EPS8: variants seen among roughly 807,000 people sequenced by gnomAD.
EPS8 encodes the protein EGFR pathway substrate 8, signaling adaptor.
A neutral mutation model predicts 103.8 loss-of-function variants in EPS8; 42 were observed. That is an observed-to-expected ratio of 0.40 (90% confidence interval 0.32 to 0.52). EPS8 has a LOEUF of 0.52. Ranked by LOEUF, EPS8 falls within the 20% of genes least tolerant of loss-of-function variation. EPS8 has a pLI of 0.40. For missense variants in EPS8, 969 were observed against 1,005.1 expected, an observed-to-expected ratio of 0.96 and a Z score of 0.49; for synonymous variants, 344 against 344.6, an observed-to-expected ratio of 1.00 and a Z score of 0.02.
intron 4 of EPS8, 48 bp from the exon 5 acceptor site, chr12:15,669,873 T>C (rs1945785463): frequency 7.1e-7 from 1 of 1,413,614 alleles, no homozygotes; most frequent in Non-Finnish European, 9.6e-7. Flanking sequence ...TACAAACACA[T>C]ACAACCTCTT....
chr12:15,676,089 G>A (rs528491788), intron 3 of EPS8, among the ~76,000 whole-genome samples: 63 of 151,786 alleles, frequency 4.2e-4, no homozygotes, highest in African/African-American at 1.4e-3. Flanking sequence ...TGGCTAACAC[G>A]GTGAAACCCC....
chr12:15,686,572 C>A (rs895490035), intron 1 of EPS8, among the ~76,000 whole-genome samples: 2 of 150,898 alleles, frequency 1.3e-5, no homozygotes, highest in Non-Finnish European at 1.5e-5. Flanking sequence ...CTAAGTTAAG[C>A]GAATGAAAAA....
rs551481667 is a variant in EPS8, at chr12:15,776,426, T to C, written c.-22+12735A>G. Among the ~76,000 whole-genome samples, 46 of 152,190 alleles carry C rather than the reference T, an allele frequency of 3.0e-4. No homozygotes were observed. Among genetic ancestry groups the C allele is most frequent in the Non-Finnish European group, 5.0e-4 (34 of 68,012 alleles). On this transcript the variant is annotated intron_variant, in intron 1 of 20. Coordinates refer to ENST00000281172, the MANE Select transcript of EPS8 (RefSeq NM_004447.6). The surrounding 1 kb of genome is among the most constrained non-coding windows in gnomAD (Gnocchi z 4.2). ...GGTGAGTGACCTACTCTAAAAACCTTCCCCTCAAGTTCACATGCACACTCT... is the reference window on the plus strand; with the variant it reads ...GGTGAGTGACCTACTCTAAAAACCTCCCCCTCAAGTTCACATGCACACTCT...
chr12:15,686,430 T>G (rs1052031540), intron 1 of EPS8, among the ~76,000 whole-genome samples: 3 of 152,290 alleles, frequency 2.0e-5, no homozygotes, highest in East Asian at 1.9e-4. Flanking sequence ...CTATATTTGA[T>G]TTTAAGTAAC....
intron 8 of EPS8, among the ~76,000 whole-genome samples, chr12:15,663,445 C>A (rs1945642940): frequency 6.6e-6 from 1 of 152,078 alleles, no homozygotes; most frequent in African/African-American, 2.4e-5. Context: ...AGGGGCTTTC[C>A]AACTAAAAAC....
Position 15,776,382 on chromosome 12 carries a change from G to GA in EPS8, c.-22+12778dup, listed in dbSNP as rs1039275272. 2.6e-5 allele frequency among the ~76,000 whole-genome samples: 4 copies of GA among 152,038 alleles called. No individual in the cohort carries two copies. Among genetic ancestry groups the GA allele is most frequent in the Admixed American group, 2.0e-4 (3 of 15,266 alleles). ...CAATCCGGTACTCTTTTGGAAGAGA[G>GA]AAAAAAACAGCTGGCTTAGGTGAGT... is the stretch of plus-strand genomic sequence containing the variant. On this transcript the variant is annotated intron_variant, in intron 1 of 20. Transcript: ENST00000281172. The surrounding 1 kb of genome is among the most constrained non-coding windows in gnomAD (Gnocchi z 4.2).
intron 1 of EPS8, among the ~76,000 whole-genome samples, chr12:15,692,318 G>GT (rs796131633): frequency 3.7e-4 from 23 of 62,166 alleles, no homozygotes; most frequent in African/African-American, 8.6e-4. Flanking sequence ...AAAGAGGTTT[G>GT]GTTTTTTTTT....
chr12:15,718,647 T>G (rs926468946), intron 1 of EPS8, among the ~76,000 whole-genome samples: 1 of 152,312 alleles, frequency 6.6e-6, no homozygotes, highest in South Asian at 2.1e-4. Flanking sequence ...ATTAGCTTGA[T>G]GAGTGCATAT....
rs554443419 is a variant in EPS8 at position 15,785,912 on chromosome 12, A to C, written c.-22+3249T>G. On this transcript the variant is annotated intron_variant, in intron 1 of 20. Coordinates refer to ENST00000281172, the MANE Select transcript of EPS8 (RefSeq NM_004447.6). This position sits in a 1 kb window ranked among gnomAD's most constrained non-coding sequence, Gnocchi z 4.9. Reference sequence around the variant, plus strand: ...ATATTTAGATAGATAGATAGATTTTATATTTATATAATATATATATATCCA... The same window carrying C: ...ATATTTAGATAGATAGATAGATTTTCTATTTATATAATATATATATATCCA... Among the ~76,000 whole-genome samples the C allele has an allele frequency of 1.3e-5, 2 of 151,828 alleles. No homozygotes were observed. Among genetic ancestry groups the C allele is most frequent in the Admixed American group, 1.3e-4 (2 of 15,232 alleles).
chr12:15,628,161 A>G (rs1190379916), intron 18 of EPS8, among the ~76,000 whole-genome samples: 1 of 152,096 alleles, frequency 6.6e-6, no homozygotes, highest in Non-Finnish European at 1.5e-5. Flanking sequence ...GTTACATTTA[A>G]GTATACATTA....
rs1036893301 is a variant in EPS8 at position 15,779,021 on chromosome 12, A to C, written c.-22+10140T>G. Among the ~76,000 whole-genome samples, 9 of 152,102 alleles carry C rather than the reference A, an allele frequency of 5.9e-5. No individual in the cohort carries two copies. Among genetic ancestry groups the C allele is most frequent in the African/African-American group, 2.2e-4 (9 of 41,426 alleles). ...AGATGGAGTTTCACTCTTGTTGCCC[A>C]GGCTGGAGTGCAATGGCGCCATCTT... is the stretch of plus-strand genomic sequence containing the variant. On this transcript the variant is annotated intron_variant, in intron 1 of 20. Coordinates refer to ENST00000281172, the MANE Select transcript of EPS8 (RefSeq NM_004447.6). The surrounding 1 kb of genome is among the most constrained non-coding windows in gnomAD (Gnocchi z 4.3).
chr12:15,636,955 T>C (rs1238601302), intron 17 of EPS8, among the ~76,000 whole-genome samples: 1 of 152,254 alleles, frequency 6.6e-6, no homozygotes, highest in African/African-American at 2.4e-5. Flanking sequence ...AAAATATCAC[T>C]TTAAACATTA....
chr12:15,623,596 C>A (rs952884325), intron 19 of EPS8, among the ~76,000 whole-genome samples: 3 of 152,152 alleles, frequency 2.0e-5, no homozygotes, highest in South Asian at 2.1e-4. Flanking sequence ...TTTCTAGTAA[C>A]CTGGCAATTG....
Position 15,682,932 on chromosome 12 carries a change from T to G in EPS8, c.20A>C (p.Asn7Thr), listed in dbSNP as rs750835114. MNGHISNHPSSFGMYPS... is the reference protein window; with the variant it reads MNGHISTHPSSFGMYPS... ...GTACATTCCAAAACTACTGGGATGA[T>G]TAGAAATATGACCATTCATTGTGTC... The change falls in exon 2 of 21, where the codon AAT becomes ACT. Residue 7 changes from asparagine (N) to threonine (T), a missense_variant. Transcript: ENST00000281172. 3 of 1,586,364 alleles carry G rather than the reference T, an allele frequency of 1.9e-6. No individual in the cohort carries two copies. In the South Asian group the frequency reaches 3.4e-5, roughly 18 times the overall value.
intron 1 of EPS8, among the ~76,000 whole-genome samples, chr12:15,741,679 A>G (rs1198331321): frequency 6.6e-6 from 1 of 152,192 alleles, no homozygotes; most frequent in Non-Finnish European, 1.5e-5. Flanking sequence ...TAGATTAATC[A>G]AACTGTTGCC....
At chr12:15,642,269 G>A (rs146327857) in intron 15 of EPS8, among the ~76,000 whole-genome samples, 2 of 152,178 alleles carry the variant, frequency 1.3e-5, no homozygotes, top group Non-Finnish European at 2.9e-5. Context: ...TTCAAGCAAT[G>A]TCTGCAATTC....
At position 15,725,472 on chromosome 12, in the gene EPS8, T is replaced by TAA. The variant is rs75488976; in HGVS notation, c.-21-42502_-21-42501dup. Among the ~76,000 whole-genome samples, 1 of 131,740 alleles carries TAA rather than the reference T, an allele frequency of 7.6e-6. No individual in the cohort carries two copies. Among genetic ancestry groups the TAA allele is most frequent in the African/African-American group, 2.8e-5 (1 of 35,902 alleles). 86.4% of individuals were successfully genotyped at this position (131,740 alleles called of 152,430 possible). A position where few individuals can be genotyped will look rare whatever the true frequency, so the allele number is the denominator to read the frequency against. ...GTCTCAAAAAAAAAAGGAAAAAAAC[T>TAA]AAAAAAAAAAAAAAAATCTGCATGG... On this transcript the variant is annotated intron_variant, in intron 1 of 20. Transcript: ENST00000281172. The surrounding 1 kb of genome is among the most constrained non-coding windows in gnomAD (Gnocchi z 4.5).
In EPS8 at chr12:15,727,715, G is replaced by A. The variant is rs1213540888; in HGVS notation, c.-21-44743C>T. On this transcript the variant is annotated intron_variant, in intron 1 of 20. Coordinates refer to ENST00000281172, the MANE Select transcript of EPS8 (RefSeq NM_004447.6). This position sits in a 1 kb window ranked among gnomAD's most constrained non-coding sequence, Gnocchi z 4.3. Reference sequence around the variant, plus strand: ...TCTACTAAAAATACAAAAATTAGCCGGGCGTGGTGGCGCGTGCCTGTAATC... The same window carrying A: ...TCTACTAAAAATACAAAAATTAGCCAGGCGTGGTGGCGCGTGCCTGTAATC... Among the ~76,000 whole-genome samples, 13 of 151,060 alleles carry A rather than the reference G, an allele frequency of 8.6e-5. No homozygotes were observed. The highest frequency in any genetic ancestry group is 2.7e-4 in the African/African-American group (11 of 41,152).
intron 13 of EPS8, among the ~76,000 whole-genome samples, chr12:15,651,743 T>G (rs927614137): frequency 6.6e-6 from 1 of 152,222 alleles, no homozygotes; most frequent in Admixed American, 6.5e-5. Flanking sequence ...TAATTCTTCA[T>G]GTTATAGTTC....
Sources: gnomAD v4.1 joint callset for allele counts (sites outside exome capture counted in the v4.1 genomes callset) on GRCh38, gnomAD v4.1.1 for gene constraint, Gnocchi (gnomAD v3.1) non-coding constraint, MANE v1.5 for transcripts, NCBI Gene and HGNC (gene_info 2026-07-23, HGNC 2026-07-21) for gene names.